TJP2: variants seen among roughly 807,000 people sequenced by gnomAD.
TJP2 encodes Friedreich ataxia region gene X104 (tight junction protein ZO-2).
A neutral mutation model predicts 133.1 loss-of-function variants in TJP2; 91 were observed. That is an observed-to-expected ratio of 0.68 (90% CI 0.58 to 0.81). The LOEUF (loss-of-function observed/expected upper bound fraction) is 0.81, where lower values mean the gene tolerates loss of function less well. TJP2 is among the 40% of genes least tolerant of loss of function. TJP2 has a pLI of 0.00. For synonymous variants in TJP2, 592 were observed against 583.4 expected, an observed-to-expected ratio of 1.01 and a Z score of -0.21; for missense variants, 1,541 against 1,565.6, an observed-to-expected ratio of 0.98 and a Z score of 0.26.
chr9:69,165,563 AG>A (rs1303658941), intron 2 of TJP2, among the ~76,000 whole-genome samples: 1 of 152,208 alleles, frequency 6.6e-6, no homozygotes, highest in Non-Finnish European at 1.5e-5. Context: ...GACTTAGTAT[AG>A]TATATGAAAA....
chr9:69,134,977 G>A (rs1406145050), intron 1 of TJP2, among the ~76,000 whole-genome samples: 1 of 62,848 alleles, frequency 1.6e-5, no homozygotes, highest in Non-Finnish European at 4.1e-5. Flanking sequence ...GAGAGAAGAG[G>A]AGAGAGAGAG....
chr9:69,231,685 C>T (rs1421947029), intron 11 of TJP2, among the ~76,000 whole-genome samples: 2 of 152,052 alleles, frequency 1.3e-5, no homozygotes, highest in Non-Finnish European at 2.9e-5. Context: ...TGATCATGAG[C>T]TTTGCAAAAG....
chr9:69,251,101 T>C lies in TJP2; in HGVS notation c.3058T>C (p.Ser1020Pro). Reference sequence around the variant, plus strand: ...ATCCTATGAATATAAGTCAAACCCCTCTGCCGTTGCTGGTAATGAAACTCC... The same window carrying C: ...ATCCTATGAATATAAGTCAAACCCCCCTGCCGTTGCTGGTAATGAAACTCC... ...SKSYEYKSNPSAVAGNETPGA... is the reference protein window; with the variant it reads ...SKSYEYKSNPPAVAGNETPGA... The change falls in exon 21 of 23, where the codon TCT (serine) becomes CCT (proline). Residue 1020 changes from serine (S) to proline (P), a missense_variant. Ser to Pro is a moderately conservative substitution (Grantham distance 74, BLOSUM62 -1). Coordinates refer to ENST00000377245, the MANE Select transcript of TJP2 (RefSeq NM_004817.4). 1 of 1,614,158 alleles carries C rather than the reference T, an allele frequency of 6.2e-7. No individual in the cohort carries two copies. Among genetic ancestry groups the C allele is most frequent in the South Asian group, 1.1e-5 (1 of 91,074 alleles).
At chr9:69,206,073 G>T (rs1827380730) in intron 1 of TJP2, among the ~76,000 whole-genome samples, 1 of 152,016 alleles carries the variant, frequency 6.6e-6, no homozygotes, top group African/African-American at 2.4e-5. Flanking sequence ...AATGCATTAA[G>T]TTTTTTGTTT....
chr9:69,141,231 G>A (rs1823006227), intron 1 of TJP2, among the ~76,000 whole-genome samples: 1 of 152,186 alleles, frequency 6.6e-6, no homozygotes, highest in Admixed American at 6.5e-5. Context: ...TTTGGGAAGG[G>A]CAGTCAATTA....
intron 1 of TJP2, among the ~76,000 whole-genome samples, chr9:69,175,213 C>G (rs1427394311): frequency 6.6e-6 from 1 of 152,220 alleles, no homozygotes; most frequent in Non-Finnish European, 1.5e-5. Context: ...GGCTAGGCTG[C>G]TTTTCTGGCA....
chr9:69,223,500 G>A (rs559092004), intron 5 of TJP2, among the ~76,000 whole-genome samples: 74 of 152,258 alleles, frequency 4.9e-4, no homozygotes, highest in Middle Eastern at 3.4e-3. Flanking sequence ...GTAGAGACGG[G>A]GTTTCACCGT....
At chr9:69,146,490 C>T (rs1476808443) in intron 1 of TJP2, among the ~76,000 whole-genome samples, 1 of 152,196 alleles carries the variant, frequency 6.6e-6, no homozygotes, top group Admixed American at 6.5e-5. Context: ...TACTGATCAA[C>T]TTGCATCTGT....
At position 69,254,338 on chromosome 9, in the gene TJP2, T is replaced by C; in HGVS notation, c.3537T>C (p.Tyr1179=). ...QLSEHSKRGY[Y]GQSARYRDTE... ...CAGAACACTCCAAGCGCGGTTACTA[T>C]GGCCAGTCTGCCCGATACCGGGACA... is the stretch of plus-strand genomic sequence containing the variant. The change falls in exon 23 of 23, where the codon TAT becomes TAC. Residue 1179 remains tyrosine (Y), a synonymous_variant. Transcript: ENST00000377245. 1.2e-6 allele frequency: 2 copies of C among 1,614,220 alleles called. No individual in the cohort carries two copies. The highest frequency in any genetic ancestry group is 1.7e-6 in the Non-Finnish European group (2 of 1,180,036).
At chr9:69,176,976 C>T (rs776848501) in intron 1 of TJP2, among the ~76,000 whole-genome samples, 7 of 149,442 alleles carry the variant, frequency 4.7e-5, no homozygotes, top group Non-Finnish European at 1.0e-4. Context: ...GTGGTGGGGG[C>T]GGGGTGAAGC....
upstream of TJP2, among the ~76,000 whole-genome samples, chr9:69,172,821 C>T (rs1824762391): frequency 6.6e-6 from 1 of 152,174 alleles, no homozygotes; most frequent in Admixed American, 6.5e-5. Context: ...GATTCTCCTG[C>T]CTTGCCTTCC....
upstream of TJP2, among the ~76,000 whole-genome samples, chr9:69,171,789 A>ATTT (rs34717893): frequency 0.31 from 26,528 of 86,718 alleles, 5,555 homozygotes; most frequent in Non-Finnish European, 0.38. Flanking sequence ...GAGTAGAAGA[A>ATTT]TTTTTTTTTT....
chr9:69,214,840 C>T (rs1267019389), intron 2 of TJP2, among the ~76,000 whole-genome samples: 1 of 141,978 alleles, frequency 7.0e-6, no homozygotes, highest in Non-Finnish European at 1.5e-5. Context: ...TGCACTCCAG[C>T]CTGGCAACAG....
chr9:69,225,559 C>T, intron 6 of TJP2, 152 bp downstream of exon 6: 1 of 653,754 alleles, frequency 1.5e-6, no homozygotes, highest in South Asian at 1.7e-5. Context: ...CGATTTTTAT[C>T]AGAAAAACCA....
rs3750549 is a variant in TJP2 at position 69,216,110 on chromosome 9, C to A, written c.115-229C>A. Among the ~76,000 whole-genome samples the A allele has an allele frequency of 0.41, 62,770 of 151,900 alleles. 13,548 individuals are homozygous for A. The highest frequency in any genetic ancestry group is 0.52 in the African/African-American group (21,622 of 41,420). On this transcript the variant is annotated intron_variant, in intron 2 of 22. Coordinates refer to ENST00000377245, the MANE Select transcript of TJP2 (RefSeq NM_004817.4). Reference sequence around the variant, plus strand: ...GATAACTCCAGTCTGCACTATCAATCTTTTCCAGCCTCTACAGGCTGTTTC... The same window carrying A: ...GATAACTCCAGTCTGCACTATCAATATTTTCCAGCCTCTACAGGCTGTTTC...
chr9:69,218,023 CCT>C (rs1828523195), intron 3 of TJP2, among the ~76,000 whole-genome samples: 1 of 152,150 alleles, frequency 6.6e-6, no homozygotes, highest in Non-Finnish European at 1.5e-5. Flanking sequence ...GGAGATCAGG[CCT>C]CTCTCTTCCC....
intron 1 of TJP2, among the ~76,000 whole-genome samples, chr9:69,133,504 C>T (rs982569839): frequency 6.6e-6 from 1 of 151,310 alleles, no homozygotes; most frequent in African/African-American, 2.4e-5. Context: ...CACACTGCTC[C>T]GCTTGCTGGT....
At chr9:69,155,166 C>T (rs1050833784) in intron 2 of TJP2, among the ~76,000 whole-genome samples, 1 of 145,392 alleles carries the variant, frequency 6.9e-6, no homozygotes, top group African/African-American at 2.6e-5. Flanking sequence ...TTGCAGTGAG[C>T]CGAGATCGTG....
intron 4 of TJP2, among the ~76,000 whole-genome samples, chr9:69,219,076 TCTC>T (rs1828609665): frequency 6.6e-6 from 1 of 151,986 alleles, no homozygotes; most frequent in Non-Finnish European, 1.5e-5. Context: ...TTCAAGCGAT[TCTC>T]CTGCCTCAGC....
Sources: gnomAD v4.1 joint callset for allele counts (sites outside exome capture counted in the v4.1 genomes callset) on GRCh38, gnomAD v4.1.1 for gene constraint, MANE v1.5 for transcripts, NCBI Gene and HGNC (gene_info 2026-07-23, HGNC 2026-07-21) for gene names.